Variants in MARCHF1 observed in about 807,000 individuals in gnomAD.
MARCHF1 encodes membrane associated ring-CH-type finger 1.
Under a neutral mutation model 54.2 loss-of-function variants are expected in MARCHF1, and 40 were observed. The ratio of observed to expected loss-of-function variants is 0.74; its 90% CI spans 0.57 to 0.96. The LOEUF (loss-of-function observed/expected upper bound fraction) is 0.96. MARCHF1 is among the 40% of genes least tolerant of loss of function. The pLI, the probability that MARCHF1 is intolerant of heterozygous loss-of-function variation, is 0.00. For synonymous variants in MARCHF1, 236 were observed against 236.3 expected, an observed-to-expected ratio of 1.00 and a Z score of 0.01; for missense variants, 586 against 656.5, an observed-to-expected ratio of 0.89 and a Z score of 1.17.
intron 4 of MARCHF1, among the ~76,000 whole-genome samples, chr4:163,725,490 AG>A (rs1745623693): frequency 6.6e-6 from 1 of 151,954 alleles, no homozygotes; most frequent in Non-Finnish European, 1.5e-5. Context: ...AAAAAAAAAA[AG>A]TAATAATAAC....
intron 1 of MARCHF1, among the ~76,000 whole-genome samples, chr4:164,148,142 AACACACAC>A (rs10573891): frequency 1.4e-5 from 2 of 147,744 alleles, no homozygotes; most frequent in African/African-American, 2.5e-5. Context: ...TTAAAAAAAT[AACACACAC>A]ACACACACAC....
chr4:164,018,277 A>G (rs993574213), intron 2 of MARCHF1, among the ~76,000 whole-genome samples: 6 of 152,030 alleles, frequency 3.9e-5, no homozygotes, highest in African/African-American at 1.4e-4. Flanking sequence ...GATCATACAT[A>G]AAAATTGATA....
chr4:163,990,355 G>GT (rs1044134002), intron 2 of MARCHF1, among the ~76,000 whole-genome samples: 4 of 150,990 alleles, frequency 2.6e-5, no homozygotes, highest in African/African-American at 9.8e-5. Context: ...GAACTGGACA[G>GT]TTAAAAAAAA....
chr4:164,245,572 T>A (rs1163446692), intron 1 of MARCHF1, among the ~76,000 whole-genome samples: 1 of 151,858 alleles, frequency 6.6e-6, no homozygotes, highest in African/African-American at 2.4e-5. Flanking sequence ...GCACTCTTAT[T>A]CAACATAGTG....
At chr4:163,609,086 T>G (rs946548069) in intron 7 of MARCHF1, among the ~76,000 whole-genome samples, 1 of 152,106 alleles carries the variant, frequency 6.6e-6, no homozygotes, top group African/African-American at 2.4e-5. Flanking sequence ...TAATACATTG[T>G]GTTAAAAAAT....
intron 1 of MARCHF1, among the ~76,000 whole-genome samples, chr4:164,150,180 G>T (rs1729892768): frequency 6.6e-6 from 1 of 152,108 alleles, no homozygotes; most frequent in Admixed American, 6.5e-5. Flanking sequence ...TGTCACAGAG[G>T]TCAAATACAT....
chr4:163,527,708 G>GTCTC lies in MARCHF1; in HGVS notation c.*1036_*1039dup, dbSNP rs1250377917. 1.3e-5 allele frequency: 2 copies of GTCTC among 151,986 alleles called. No individual in the cohort carries two copies. The highest frequency in any genetic ancestry group is 2.9e-5 in the Non-Finnish European group (2 of 67,940). 9.4% of individuals were successfully genotyped at this position (151,986 alleles called of 1,614,324 possible). A position where few individuals can be genotyped will look rare whatever the true frequency, so the allele number is the denominator to read the frequency against. On this transcript the variant is annotated 3_prime_UTR_variant, in exon 10 of 10. Transcript: ENST00000514618. ...AACTGTTAAATAAAGCAGAAGCTTA[G>GTCTC]TCTCTAATTTTACGGCTGTGCTATC... is the stretch of plus-strand genomic sequence containing the variant.
At chr4:164,343,656 C>T (rs1384247206) in intron 1 of MARCHF1, among the ~76,000 whole-genome samples, 1 of 152,008 alleles carries the variant, frequency 6.6e-6, no homozygotes, top group African/African-American at 2.4e-5. Context: ...TAGAGAAATG[C>T]AAATAAAAAC....
intron 2 of MARCHF1, among the ~76,000 whole-genome samples, chr4:164,070,966 C>A (rs1754851423): frequency 6.6e-6 from 1 of 152,184 alleles, no homozygotes; most frequent in African/African-American, 2.4e-5. Context: ...AGGATTTCTG[C>A]TTTTGCTTCT....
intron 2 of MARCHF1, among the ~76,000 whole-genome samples, chr4:164,104,065 G>C (rs1443777206): frequency 6.6e-6 from 1 of 151,324 alleles, no homozygotes; most frequent in Admixed American, 6.6e-5. Flanking sequence ...ACTAAACCAG[G>C]AAGAAGTTGA....
At chr4:163,876,400 T>C (rs1750290300) in intron 3 of MARCHF1, among the ~76,000 whole-genome samples, 1 of 152,186 alleles carries the variant, frequency 6.6e-6, no homozygotes, top group African/African-American at 2.4e-5. Context: ...CACCAGATTA[T>C]AAAGATTGAC....
intron 2 of MARCHF1, among the ~76,000 whole-genome samples, chr4:164,028,575 G>C (rs1753816211): frequency 6.6e-6 from 1 of 152,248 alleles, no homozygotes; most frequent in Middle Eastern, 3.4e-3. Context: ...CTACTAGAAG[G>C]GGTAGGGAAA....
chr4:163,561,758 A>AT (rs1483850241), intron 8 of MARCHF1, among the ~76,000 whole-genome samples: 6 of 151,802 alleles, frequency 4.0e-5, no homozygotes, highest in South Asian at 4.2e-4. Flanking sequence ...TATTTTGTGA[A>AT]TTTTTTTTCT....
At chr4:163,549,179 A>AT (rs1221093181) in intron 8 of MARCHF1, among the ~76,000 whole-genome samples, 2 of 152,186 alleles carry the variant, frequency 1.3e-5, no homozygotes, top group East Asian at 1.9e-4. Context: ...CGCCTGGCTA[A>AT]TTTTTTGTAA....
chr4:163,558,663 A>T (rs13134860), intron 8 of MARCHF1, among the ~76,000 whole-genome samples: 2 of 151,984 alleles, frequency 1.3e-5, no homozygotes, highest in Non-Finnish European at 2.9e-5. Flanking sequence ...GGATTGGCTC[A>T]GGCCAGGCAT....
At chr4:164,141,159 C>T (rs1355551132) in intron 1 of MARCHF1, among the ~76,000 whole-genome samples, 1 of 152,302 alleles carries the variant, frequency 6.6e-6, no homozygotes, top group South Asian at 2.1e-4. Context: ...CTGGTTGTAG[C>T]AACAGGCATC....
At chr4:164,095,909 A>C (rs1755400299) in intron 2 of MARCHF1, among the ~76,000 whole-genome samples, 3 of 152,130 alleles carry the variant, frequency 2.0e-5, no homozygotes, top group Non-Finnish European at 4.4e-5. Flanking sequence ...AAGAAGTCAA[A>C]AAATAACATA....
intron 4 of MARCHF1, among the ~76,000 whole-genome samples, chr4:163,745,376 G>C (rs568551376): frequency 6.6e-6 from 1 of 152,078 alleles, no homozygotes; most frequent in East Asian, 1.9e-4. Flanking sequence ...GCCTCCCAAA[G>C]TGCTGGGATT....
intron 1 of MARCHF1, among the ~76,000 whole-genome samples, chr4:164,356,424 T>C (rs1322232234): frequency 3.0e-5 from 4 of 133,952 alleles, no homozygotes; most frequent in Non-Finnish European, 6.7e-5. Context: ...CACCATGGAA[T>C]ACTATGCAGC....
Sources: gnomAD v4.1 joint callset for allele counts (sites outside exome capture counted in the v4.1 genomes callset) on GRCh38, gnomAD v4.1.1 for gene constraint, MANE v1.5 for transcripts, NCBI Gene and HGNC (gene_info 2026-07-23, HGNC 2026-07-21) for gene names.